Variants in PTPRN2 observed in about 807,000 individuals in gnomAD.
The protein encoded by PTPRN2 is receptor-type tyrosine-protein phosphatase N2.
A neutral mutation model predicts 118.8 loss-of-function variants in PTPRN2; 74 were observed. The observed-to-expected ratio is 0.62, with a 90% CI of 0.52 to 0.76. The LOEUF (loss-of-function observed/expected upper bound fraction) is 0.76, where lower values mean the gene tolerates loss of function less well. Ranked by LOEUF, PTPRN2 falls within the 30% of genes least tolerant of loss-of-function variation. PTPRN2 has a pLI of 0.00. For synonymous variants in PTPRN2, 641 were observed against 608.0 expected (o/e 1.05, Z -0.80); for missense variants, 1,481 against 1,394.4 (o/e 1.06, Z -0.99).
intron 11 of PTPRN2, among the ~76,000 whole-genome samples, chr7:157,916,937 C>T (rs1486847731): frequency 2.3e-5 from 3 of 127,786 alleles, no homozygotes; most frequent in East Asian, 2.4e-4. Context: ...CTCCGGGACA[C>T]GTCCAACACA....
chr7:157,757,287 A>T (rs1162912775), intron 12 of PTPRN2, among the ~76,000 whole-genome samples: 3 of 152,168 alleles, frequency 2.0e-5, no homozygotes, highest in Non-Finnish European at 4.4e-5. Context: ...CCCACAGCAG[A>T]AGTGGCCCAC....
At chr7:157,656,604 G>T in intron 13 of PTPRN2, 53 bp from the exon 14 acceptor site, 1 of 1,439,024 alleles carries the variant, frequency 6.9e-7, no homozygotes, top group Non-Finnish European at 9.4e-7. Context: ...GGGACACCCA[G>T]CAGGACGAGG....
chr7:157,974,859 AGGT>A lies in PTPRN2; in HGVS notation c.1724-76125_1724-76123del. On this transcript the variant is annotated intron_variant, in intron 11 of 22. Transcript: ENST00000389418. The surrounding 1 kb of genome is among the most constrained non-coding windows in gnomAD (Gnocchi z 4.0). ...AGCTGTGCGGGCGGGCACTGAGAAGAGGTGCCCACGTCCATCCCCAGCCCCTCA... is the reference window on the plus strand; with the variant it reads ...AGCTGTGCGGGCGGGCACTGAGAAGAGCCCACGTCCATCCCCAGCCCCTCA... Among the ~76,000 whole-genome samples, 1 of 152,054 alleles carries A rather than the reference AGGT, an allele frequency of 6.6e-6. No individual in the cohort carries two copies. Among genetic ancestry groups the A allele is most frequent in the Non-Finnish European group, 1.5e-5 (1 of 67,992 alleles).
At chr7:158,258,453 AC>A (rs1266092411) in intron 3 of PTPRN2, among the ~76,000 whole-genome samples, 1 of 152,132 alleles carries the variant, frequency 6.6e-6, no homozygotes, top group Non-Finnish European at 1.5e-5. Context: ...CCGCGAGACG[AC>A]CCTGTGAGTA....
chr7:158,417,258 A>G (rs1330389792), intron 2 of PTPRN2, among the ~76,000 whole-genome samples: 2 of 152,020 alleles, frequency 1.3e-5, no homozygotes, highest in Non-Finnish European at 2.9e-5. Context: ...GTGTTAAGTC[A>G]TGGTGTACTA....
chr7:157,917,804 G>A (rs1390515397), intron 11 of PTPRN2, among the ~76,000 whole-genome samples: 1 of 152,112 alleles, frequency 6.6e-6, no homozygotes, highest in African/African-American at 2.4e-5. Flanking sequence ...GCGTGGCGAC[G>A]AGGAAAAATG....
In PTPRN2 at chr7:157,749,116, A is replaced by G. The variant is rs1450522494; in HGVS notation, c.1789-66179T>C. Among the ~76,000 whole-genome samples, 32 of 6,426 alleles carry G rather than the reference A, an allele frequency of 5.0e-3. No homozygotes were observed. In the East Asian group the frequency reaches 0.09, roughly 18 times the overall value. The allele number at this position is 6,426 out of a possible 152,430, so 4.2% of individuals were successfully genotyped here. ...TGCGTCCCTGAGCTGTGGGCTGTTG[A>G]GGTGATTCTGAGGCCTGCGTCCCTG... On this transcript the variant is annotated intron_variant, in intron 12 of 22. Coordinates refer to ENST00000389418, the MANE Select transcript of PTPRN2 (RefSeq NM_002847.5).
At chr7:158,236,122 C>T (rs1253409918) in intron 3 of PTPRN2, among the ~76,000 whole-genome samples, 2 of 152,212 alleles carry the variant, frequency 1.3e-5, no homozygotes, top group Non-Finnish European at 2.9e-5. Flanking sequence ...GAGTAGATCC[C>T]AGGCACCATC....
At chr7:158,376,548 T>A (rs1158990177) in intron 2 of PTPRN2, among the ~76,000 whole-genome samples, 1 of 44,016 alleles carries the variant, frequency 2.3e-5, no homozygotes, top group Non-Finnish European at 4.2e-5. Context: ...CTCTCCCACA[T>A]CCCTGTCACA....
Position 157,767,625 on chromosome 7 carries a change from G to A in PTPRN2, c.1789-84688C>T, listed in dbSNP as rs995125234. ...TGGCCAGGGCGACCGCTCTTTCACT[G>A]CCAGGCCAGTCTGCCTTCCGTGGTC... On this transcript the variant is annotated intron_variant, in intron 12 of 22. Coordinates refer to ENST00000389418, the MANE Select transcript of PTPRN2 (RefSeq NM_002847.5). 1.1e-4 allele frequency among the ~76,000 whole-genome samples: 16 copies of A among 152,334 alleles called. No homozygotes were observed. The East Asian group carries it at 2.9e-3, about 28-fold the overall frequency.
chr7:157,792,587 C>A (rs1804583607), intron 12 of PTPRN2, among the ~76,000 whole-genome samples: 1 of 152,200 alleles, frequency 6.6e-6, no homozygotes, highest in African/African-American at 2.4e-5. Flanking sequence ...CCCCAGTGTC[C>A]CAAGCAACTC....
intron 13 of PTPRN2, chr7:157,669,545 G>A (rs893130403): frequency 6.1e-6 from 3 of 491,072 alleles, no homozygotes; most frequent in African/African-American, 3.9e-5. Flanking sequence ...GGGGCTGTAA[G>A]CACAGCTCCT....
At chr7:158,343,033 G>A (rs1186143464) in intron 2 of PTPRN2, among the ~76,000 whole-genome samples, 2 of 152,178 alleles carry the variant, frequency 1.3e-5, no homozygotes, top group Admixed American at 1.3e-4. Context: ...TGGGCAACAA[G>A]AGTGAAACTT....
At chr7:158,288,066 T>C (rs1799876274) in intron 3 of PTPRN2, among the ~76,000 whole-genome samples, 1 of 152,176 alleles carries the variant, frequency 6.6e-6, no homozygotes, top group Admixed American at 6.5e-5. Flanking sequence ...ATAATGACTT[T>C]ATTTTACAGT....
rs375589748 is a variant in PTPRN2 at position 157,689,858 on chromosome 7, C to A, written c.1789-6921G>T. Reference sequence around the variant, plus strand: ...CCCCTCGGTTCCCTGCAATTCGCCGCCCGCTGGGATACTCCCATGGCTCGG... The same window carrying A: ...CCCCTCGGTTCCCTGCAATTCGCCGACCGCTGGGATACTCCCATGGCTCGG... On this transcript the variant is annotated intron_variant, in intron 12 of 22. Coordinates refer to ENST00000389418, the MANE Select transcript of PTPRN2 (RefSeq NM_002847.5). 1.9e-4 allele frequency among the ~76,000 whole-genome samples: 29 copies of A among 151,474 alleles called. No individual in the cohort carries two copies. In the East Asian group the frequency reaches 5.4e-3, roughly 28 times the overall value.
In PTPRN2 at chr7:158,410,023, G is replaced by A. The variant is rs544791696; in HGVS notation, c.163+79712C>T. Among the ~76,000 whole-genome samples the A allele has an allele frequency of 2.6e-5, 4 of 152,314 alleles. No individual in the cohort carries two copies. In the East Asian group the frequency reaches 5.8e-4, roughly 22 times the overall value. On this transcript the variant is annotated intron_variant, in intron 2 of 22. Coordinates refer to ENST00000389418, the MANE Select transcript of PTPRN2 (RefSeq NM_002847.5). ...TTCGCTGAACAGCCTGGGTGGCTCC[G>A]AGGCGTCCCCGCAGATTCAGCCTGA...
intron 2 of PTPRN2, among the ~76,000 whole-genome samples, chr7:158,361,482 C>T (rs1406503153): frequency 6.6e-6 from 1 of 152,214 alleles, no homozygotes; most frequent in African/African-American, 2.4e-5. Flanking sequence ...ACCTCTTTTG[C>T]TCTTTCTTGC....
At chr7:158,444,834 C>A (rs371631923) in intron 2 of PTPRN2, among the ~76,000 whole-genome samples, 46 of 152,214 alleles carry the variant, frequency 3.0e-4, no homozygotes, top group African/African-American at 9.9e-4. Flanking sequence ...CCAAGAAAGC[C>A]CCCAGTGTCC....
chr7:157,544,170 CGGAGAGAGGTGGAGAGAGAT>C (rs1563198867), intron 22 of PTPRN2, among the ~76,000 whole-genome samples: 1 of 145,388 alleles, frequency 6.9e-6, no homozygotes, highest in Non-Finnish European at 1.5e-5. Flanking sequence ...TGGAGAGAGA[CGGAGAGAGGTGGAGAGAGAT>C]GGAGAGCTAC....
Sources: allele counts gnomAD v4.1 joint callset (sites outside exome capture counted in the v4.1 genomes callset), GRCh38; gene constraint gnomAD v4.1.1; non-coding constraint Gnocchi (gnomAD v3.1); transcripts MANE v1.5; gene names NCBI Gene and HGNC (gene_info 2026-07-23, HGNC 2026-07-21).